The following UBE2N variants were observed in gnomAD, a reference collection of about 807,000 sequenced individuals.
UBE2N encodes the protein ubiquitin conjugating enzyme E2 N, also known as ubiquitin-conjugating enzyme E2 N.
For synonymous variants in UBE2N, 70 were observed against 69.2 expected, an observed-to-expected ratio of 1.01 and a Z score of -0.06; for missense variants, 60 against 192.1, an observed-to-expected ratio of 0.31 and a Z score of 4.07.
At chr12:93,416,847 C>T (rs1161415529) in intron 1 of UBE2N, among the ~76,000 whole-genome samples, 1 of 132,906 alleles carries the variant, frequency 7.5e-6, no homozygotes, top group Non-Finnish European at 1.6e-5. Flanking sequence ...TAGTGAGACC[C>T]CATCACTACC....
intron 1 of UBE2N, among the ~76,000 whole-genome samples, chr12:93,432,476 C>CACAAA (rs1298235948): frequency 1.6e-4 from 18 of 109,132 alleles, no homozygotes; most frequent in African/African-American, 5.1e-4. Flanking sequence ...TTAAGAGTCA[C>CACAAA]AAAAAAAAAA....
chr12:93,437,241 T>C (rs1439653162), intron 1 of UBE2N, among the ~76,000 whole-genome samples: 1 of 151,922 alleles, frequency 6.6e-6, no homozygotes, highest in Non-Finnish European at 1.5e-5. Flanking sequence ...TACTGGAGGC[T>C]GAAGGTAGAG....
intron 1 of UBE2N, among the ~76,000 whole-genome samples, chr12:93,427,102 T>C (rs1878617964): frequency 6.6e-6 from 1 of 152,024 alleles, no homozygotes; most frequent in African/African-American, 2.4e-5. Context: ...GTATTTTTAG[T>C]AGAGACAGGG....
chr12:93,420,852 T>C (rs891717173), intron 1 of UBE2N, among the ~76,000 whole-genome samples: 1 of 152,146 alleles, frequency 6.6e-6, no homozygotes, highest in Non-Finnish European at 1.5e-5. Context: ...CCAATTCTTC[T>C]GCCCACTAAA....
chr12:93,410,031 G>T lies in UBE2N; in HGVS notation c.*8C>A, dbSNP rs752340935. 2 of 1,612,114 alleles carry T rather than the reference G, an allele frequency of 1.2e-6. No homozygotes were observed. Among genetic ancestry groups the T allele is most frequent in the African/African-American group, 2.7e-5 (2 of 74,934 alleles). ...GAGAAGTGATGCACACTTGATGATC[G>T]TATCAATTTAAATATTATTCATGGC... On this transcript the variant is annotated 3_prime_UTR_variant, in exon 4 of 4. Coordinates refer to ENST00000318066, the MANE Select transcript of UBE2N (RefSeq NM_003348.4).
At chr12:93,441,613 G>A (rs915580658) in intron 1 of UBE2N, among the ~76,000 whole-genome samples, 6 of 151,948 alleles carry the variant, frequency 3.9e-5, no homozygotes, top group Admixed American at 2.6e-4. Context: ...TCCCTGGCCC[G>A]CCGGGCAGCC....
chr12:93,429,009 T>C (rs1878671622), intron 1 of UBE2N, among the ~76,000 whole-genome samples: 1 of 152,102 alleles, frequency 6.6e-6, no homozygotes, highest in Non-Finnish European at 1.5e-5. Flanking sequence ...CGGTGGCTCA[T>C]GCCTGTAATC....
chr12:93,435,083 C>A (rs915710586), intron 1 of UBE2N, among the ~76,000 whole-genome samples: 29 of 152,074 alleles, frequency 1.9e-4, no homozygotes, highest in Non-Finnish European at 2.9e-5. Context: ...CTGCCCCCAC[C>A]TGGAGGTACA....
At chr12:93,414,252 C>T (rs11835441) in intron 1 of UBE2N, among the ~76,000 whole-genome samples, 9,484 of 151,722 alleles carry the variant, frequency 0.063, 905 homozygotes, top group African/African-American at 0.21. Flanking sequence ...GAGTTCGAGA[C>T]CAGCCTGATC....
intron 1 of UBE2N, among the ~76,000 whole-genome samples, chr12:93,436,210 T>C (rs1215123108): frequency 6.6e-6 from 1 of 152,190 alleles, no homozygotes; most frequent in Non-Finnish European, 1.5e-5. Context: ...AAACCAATCC[T>C]CCCACCTGTC....
At chr12:93,426,897 A>G (rs1878608123) in intron 1 of UBE2N, among the ~76,000 whole-genome samples, 1 of 151,516 alleles carries the variant, frequency 6.6e-6, no homozygotes, top group Non-Finnish European at 1.5e-5. Context: ...CTCATCGGCT[A>G]TCATTAGTGT....
rs750882142 is a variant in UBE2N at position 93,410,759 on chromosome 12, G to C, written c.393C>G (p.Thr131=). Reference sequence around the variant, plus strand: ...CTGTTTCTATGGCTTGGGCTTCGTTGGTCTTCCACTGCTCCGCTACATCAT... The same window carrying C: ...CTGTTTCTATGGCTTGGGCTTCGTTCGTCTTCCACTGCTCCGCTACATCAT... ...LANDVAEQWK[T]NEAQAIETAR... The change falls in exon 3 of 4, where the codon ACC becomes ACG. Residue 131 remains threonine (T), a synonymous_variant. Transcript: ENST00000318066. 3 of 1,614,168 alleles carry C rather than the reference G, an allele frequency of 1.9e-6. No individual in the cohort carries two copies. Among genetic ancestry groups the C allele is most frequent in the Non-Finnish European group, 2.5e-6 (3 of 1,180,030 alleles).
rs1592754196 is a variant in UBE2N, at chr12:93,441,910, T to C, written c.-26A>G. Reference sequence around the variant, plus strand: ...CTTGTCAGAACCCGAGTTCGGCCTCTGGTCTCGTCTCCGGCTCCTCTCGCC... The same window carrying C: ...CTTGTCAGAACCCGAGTTCGGCCTCCGGTCTCGTCTCCGGCTCCTCTCGCC... On this transcript the variant is annotated 5_prime_UTR_variant, in exon 1 of 4. Transcript: ENST00000318066. 3.2e-6 allele frequency: 5 copies of C among 1,569,216 alleles called. No individual in the cohort carries two copies. Among genetic ancestry groups the C allele is most frequent in the Non-Finnish European group, 4.3e-6 (5 of 1,160,346 alleles).
chr12:93,439,092 A>AT (rs1879021860), intron 1 of UBE2N, among the ~76,000 whole-genome samples: 2 of 152,254 alleles, frequency 1.3e-5, no homozygotes, highest in African/African-American at 4.8e-5. Context: ...AGAAAGCATC[A>AT]TATTAACAGT....
Position 93,406,275 on chromosome 12 carries a change from C to CAAAAAAAAAAAAAAAAA in UBE2N, c.*3747_*3763dup, listed in dbSNP as rs58309798. The CAAAAAAAAAAAAAAAAA allele has an allele frequency of 6.3e-4, 24 of 38,000 alleles. No individual in the cohort carries two copies. The highest frequency in any genetic ancestry group is 2.0e-3 in the Admixed American group (4 of 2,042). 2.4% of individuals were successfully genotyped at this position (38,000 alleles called of 1,614,324 possible). A position where few individuals can be genotyped will look rare whatever the true frequency, so the allele number is the denominator to read the frequency against. On this transcript the variant is annotated 3_prime_UTR_variant, in exon 4 of 4. Transcript: ENST00000318066. ...AGAGCTAGAAAGTGGCTAGAGCAGC[C>CAAAAAAAAAAAAAAAAA]AAAAAAAAAAAAAAAAAAAAAAAAA... is the stretch of plus-strand genomic sequence containing the variant.
In UBE2N at chr12:93,408,496, A is replaced by G. The variant is rs1592737996; in HGVS notation, c.*1543T>C. ...GTGAAGAAAATTCAAATGGGCTACAATATCCATTACCTTAAACTGCAAGAG... is the reference window on the plus strand; with the variant it reads ...GTGAAGAAAATTCAAATGGGCTACAGTATCCATTACCTTAAACTGCAAGAG... On this transcript the variant is annotated 3_prime_UTR_variant, in exon 4 of 4. Coordinates refer to ENST00000318066, the MANE Select transcript of UBE2N (RefSeq NM_003348.4). The G allele has an allele frequency of 6.6e-6, 1 of 152,374 alleles. No homozygotes were observed. Among genetic ancestry groups the G allele is most frequent in the East Asian group, 1.9e-4 (1 of 5,194 alleles). 9.4% of individuals were successfully genotyped at this position (152,374 alleles called of 1,614,324 possible). A position where few individuals can be genotyped will look rare whatever the true frequency, so the allele number is the denominator to read the frequency against.
At chr12:93,416,635 TG>T (rs1254476751) in intron 1 of UBE2N, among the ~76,000 whole-genome samples, 1 of 152,014 alleles carries the variant, frequency 6.6e-6, no homozygotes, top group Non-Finnish European at 1.5e-5. Context: ...TGACTTAAAG[TG>T]ATCTGCCCGC....
rs1203544880 is a variant in UBE2N, at chr12:93,408,004, T to G, written c.*2035A>C. The G allele has an allele frequency of 6.6e-6, 1 of 152,242 alleles. No homozygotes were observed. Among genetic ancestry groups the G allele is most frequent in the Non-Finnish European group, 1.5e-5 (1 of 68,036 alleles). The allele number at this position is 152,242 out of a possible 1,614,324, so 9.4% of individuals were successfully genotyped here. A position where few individuals can be genotyped will look rare whatever the true frequency, so the allele number is the denominator to read the frequency against. ...TTCTGTACTTCTATAACTCACAAAT[T>G]TAGCAGACATCATTTAGACATTTTT... On this transcript the variant is annotated 3_prime_UTR_variant, in exon 4 of 4. Transcript: ENST00000318066.
intron 1 of UBE2N, among the ~76,000 whole-genome samples, chr12:93,411,891 C>T (rs1376741730): frequency 6.6e-6 from 1 of 152,040 alleles, no homozygotes; most frequent in Non-Finnish European, 1.5e-5. Flanking sequence ...ACGGTATCAC[C>T]CTGTTGGCCA....
Sources: allele counts gnomAD v4.1 joint callset (sites outside exome capture counted in the v4.1 genomes callset), GRCh38; gene constraint gnomAD v4.1.1; transcripts MANE v1.5; gene names NCBI Gene and HGNC (gene_info 2026-07-23, HGNC 2026-07-21).